CDK14: variants seen among roughly 807,000 people sequenced by gnomAD.
The protein encoded by CDK14 is cyclin-dependent kinase 14.
A neutral mutation model predicts 60.7 loss-of-function variants in CDK14; 34 were observed. The ratio of observed to expected loss-of-function variants is 0.56; its 90% CI spans 0.43 to 0.75. CDK14 has a LOEUF of 0.75. Ranked by LOEUF, CDK14 falls within the 30% of genes least tolerant of loss-of-function variation. CDK14 has a pLI of 0.00. For synonymous variants in CDK14, 197 were observed against 203.7 expected, an observed-to-expected ratio of 0.97 and a Z score of 0.28; for missense variants, 482 against 564.1, an observed-to-expected ratio of 0.85 and a Z score of 1.47.
chr7:90,694,395 A>G (rs567590459), intron 2 of CDK14, among the ~76,000 whole-genome samples: 1 of 152,340 alleles, frequency 6.6e-6, no homozygotes, highest in South Asian at 2.1e-4. Context: ...TAGTAAACTG[A>G]CAATATGTAT....
chr7:91,143,542 C>T (rs965585975), intron 14 of CDK14, among the ~76,000 whole-genome samples: 9 of 151,928 alleles, frequency 5.9e-5, no homozygotes, highest in Admixed American at 3.3e-4. Flanking sequence ...GGCAACATAG[C>T]GAGACCCTGA....
In CDK14 at chr7:90,726,643, A is replaced by G. The variant is rs1802642357; in HGVS notation, c.200A>G (p.Glu67Gly). 2 of 1,613,858 alleles carry G rather than the reference A, an allele frequency of 1.2e-6. No individual in the cohort carries two copies. The highest frequency in any genetic ancestry group is 8.5e-7 in the Non-Finnish European group (1 of 1,179,810). ...ATCAAACCCCTGGACACAATTCCTG[A>G]GGATAAAAAAGTCAGAGTTCAGAGG... The part of the protein sequence containing the change: ...SVIKPLDTIP[E>G]DKKVRVQRTQ... The change falls in exon 3 of 15, where the codon GAG becomes GGG. Residue 67 changes from glutamate (E) to glycine (G), a missense_variant. Transcript: ENST00000380050.
intron 2 of CDK14, among the ~76,000 whole-genome samples, chr7:90,607,838 G>A (rs762506544): frequency 4.0e-5 from 6 of 151,726 alleles, no homozygotes; most frequent in Non-Finnish European, 5.9e-5. Flanking sequence ...ATGTTCTGTG[G>A]TCTAAATCTA....
intron 7 of CDK14, among the ~76,000 whole-genome samples, chr7:90,902,946 T>C (rs916579652): frequency 6.6e-6 from 1 of 152,102 alleles, no homozygotes; most frequent in African/African-American, 2.4e-5. Flanking sequence ...AAAACCTGTC[T>C]TGGAAGAAGA....
intron 5 of CDK14, among the ~76,000 whole-genome samples, chr7:90,809,560 G>C (rs1326944572): frequency 6.6e-6 from 1 of 152,114 alleles, no homozygotes; most frequent in Non-Finnish European, 1.5e-5. Flanking sequence ...CAAATTAAAA[G>C]AACTAGAGAA....
At chr7:91,095,002 A>G (rs1798939317) in intron 12 of CDK14, among the ~76,000 whole-genome samples, 1 of 152,232 alleles carries the variant, frequency 6.6e-6, no homozygotes, top group Non-Finnish European at 1.5e-5. Context: ...ATGTCATGGA[A>G]CATTCAAGAA....
At chr7:90,649,201 A>G (rs977035337) in intron 2 of CDK14, among the ~76,000 whole-genome samples, 9 of 150,390 alleles carry the variant, frequency 6.0e-5, no homozygotes, top group Non-Finnish European at 8.9e-5. Flanking sequence ...TCCTGTCACT[A>G]TTTCTCCTAG....
At chr7:90,784,083 A>G (rs1022292179) in intron 4 of CDK14, among the ~76,000 whole-genome samples, 1 of 152,202 alleles carries the variant, frequency 6.6e-6, no homozygotes, top group African/African-American at 2.4e-5. Flanking sequence ...ACACAATAGA[A>G]TATTATTCAG....
chr7:91,150,442 C>A (rs969312234), intron 14 of CDK14, among the ~76,000 whole-genome samples: 2 of 150,966 alleles, frequency 1.3e-5, no homozygotes, highest in Non-Finnish European at 3.0e-5. Flanking sequence ...TTTTTTTTTC[C>A]AGATTGGTCT....
chr7:91,022,639 TA>T (rs1157242078), intron 10 of CDK14, among the ~76,000 whole-genome samples: 2 of 152,222 alleles, frequency 1.3e-5, no homozygotes, highest in Non-Finnish European at 2.9e-5. Context: ...TTGTTAAGGC[TA>T]CAGGAGATCT....
chr7:91,075,535 G>A (rs1798276596), intron 11 of CDK14, among the ~76,000 whole-genome samples: 3 of 152,218 alleles, frequency 2.0e-5, no homozygotes, highest in Non-Finnish European at 4.4e-5. Flanking sequence ...AAAGCTGGAA[G>A]CATTCCCTTT....
intron 11 of CDK14, among the ~76,000 whole-genome samples, chr7:91,060,727 C>T (rs1162550868): frequency 6.6e-6 from 1 of 152,132 alleles, no homozygotes; most frequent in Non-Finnish European, 1.5e-5. Flanking sequence ...GAACATTGGC[C>T]CCCACTGTCT....
chr7:90,738,808 T>C (rs193048994), intron 3 of CDK14, among the ~76,000 whole-genome samples: 5 of 152,286 alleles, frequency 3.3e-5, no homozygotes, highest in Admixed American at 1.3e-4. Flanking sequence ...TATCTTTATT[T>C]AAATGTGATG....
At chr7:90,821,513 G>A (rs1250896420) in intron 5 of CDK14, among the ~76,000 whole-genome samples, 2 of 152,082 alleles carry the variant, frequency 1.3e-5, no homozygotes, top group African/African-American at 4.8e-5. Flanking sequence ...CCTCCTCAAG[G>A]GCCTGGCTAT....
chr7:90,612,622 A>G (rs934634443), intron 2 of CDK14, among the ~76,000 whole-genome samples: 1 of 152,026 alleles, frequency 6.6e-6, no homozygotes, highest in Non-Finnish European at 1.5e-5. Flanking sequence ...AAATATAAAA[A>G]TTAGCTGGGT....
intron 11 of CDK14, among the ~76,000 whole-genome samples, chr7:91,065,764 C>A (rs697413): frequency 0.1 from 15,884 of 152,266 alleles, 1,075 homozygotes; most frequent in Non-Finnish European, 0.15. Flanking sequence ...TGCTGCCCCA[C>A]TGTATTCACA....
At chr7:91,117,093 C>T (rs1013137180) in intron 13 of CDK14, among the ~76,000 whole-genome samples, 1 of 145,692 alleles carries the variant, frequency 6.9e-6, no homozygotes, top group African/African-American at 2.6e-5. Context: ...TCTAGTAGGC[C>T]TCTCACACTT....
At chr7:91,025,362 A>G (rs1266996072) in intron 10 of CDK14, among the ~76,000 whole-genome samples, 2 of 152,142 alleles carry the variant, frequency 1.3e-5, no homozygotes, top group Non-Finnish European at 2.9e-5. Context: ...AAAGAAGTGT[A>G]CATATTAAAA....
At position 90,895,036 on chromosome 7, in the gene CDK14, GT is replaced by G. The variant is rs557340143; in HGVS notation, c.640-4254del. ...TCTTGTGCTTGCCTAGTTTGACAAT[GT>G]GTTTTAAAGAAGAAGTAGGAAGCAT... On this transcript the variant is annotated intron_variant, in intron 6 of 14. Transcript: ENST00000380050. Among the ~76,000 whole-genome samples the G allele has an allele frequency of 1.3e-3, 197 of 152,100 alleles. 2 individuals are homozygous for G. In the Middle Eastern group the frequency reaches 0.014, roughly 11 times the overall value.
Sources: allele counts gnomAD v4.1 joint callset (sites outside exome capture counted in the v4.1 genomes callset), GRCh38; gene constraint gnomAD v4.1.1; transcripts MANE v1.5; gene names NCBI Gene and HGNC (gene_info 2026-07-23, HGNC 2026-07-21).